Variants in PIK3AP1 observed in about 807,000 individuals in gnomAD.
The protein encoded by PIK3AP1 is phosphoinositide 3-kinase adapter protein 1.
A neutral mutation model predicts 88.1 loss-of-function variants in PIK3AP1; 21 were observed. That is an observed-to-expected ratio of 0.24 (90% confidence interval 0.17 to 0.34). The LOEUF (loss-of-function observed/expected upper bound fraction) is 0.34, where lower values mean the gene tolerates loss of function less well. Ranked by LOEUF, PIK3AP1 falls within the 10% of genes least tolerant of loss-of-function variation. PIK3AP1 has a pLI of 1.00. For missense variants in PIK3AP1, 828 were observed against 1,035.7 expected, an observed-to-expected ratio of 0.80 and a Z score of 2.75; for synonymous variants, 398 against 400.0, an observed-to-expected ratio of 1.00 and a Z score of 0.06.
At chr10:96,655,652 G>A (rs538350565) in intron 3 of PIK3AP1, among the ~76,000 whole-genome samples, 8 of 152,162 alleles carry the variant, frequency 5.3e-5, no homozygotes, top group African/African-American at 1.4e-4. Flanking sequence ...GAATTATGGG[G>A]GGGCGGGTCT....
chr10:96,657,172 G>GTCTGA lies in PIK3AP1; in HGVS notation c.431-239_431-238insTCAGA, dbSNP rs562003645. Among the ~76,000 whole-genome samples, 17 of 152,290 alleles carry GTCTGA rather than the reference G, an allele frequency of 1.1e-4. No homozygotes were observed. The South Asian group carries it at 3.5e-3, about 32-fold the overall frequency. Reference sequence around the variant, plus strand: ...GAGGGATGACAATCATGGAGGGGAAGGCCAGAAAGTCTGAGGCTGCAGGTT... The same window carrying GTCTGA: ...GAGGGATGACAATCATGGAGGGGAAGTCTGAGCCAGAAAGTCTGAGGCTGCAGGTT... On this transcript the variant is annotated intron_variant, in intron 2 of 16. Coordinates refer to ENST00000339364, the MANE Select transcript of PIK3AP1 (RefSeq NM_152309.3).
intron 16 of PIK3AP1, 108 bp downstream of exon 16, chr10:96,602,172 T>G: frequency 1.0e-6 from 1 of 963,082 alleles, no homozygotes; most frequent in Admixed American, 2.5e-5. Flanking sequence ...CATGAGCCAC[T>G]GCGCCCAGCT....
chr10:96,597,360 CTCT>C (rs1848787330), intron 16 of PIK3AP1, among the ~76,000 whole-genome samples: 2 of 4,938 alleles, frequency 4.1e-4, no homozygotes, highest in African/African-American at 5.5e-4. Flanking sequence ...CCCTCCCTCT[CTCT>C]CTCTCTCTCT....
Position 96,616,690 on chromosome 10 carries a change from C to G in PIK3AP1, c.1963G>C (p.Asp655His). The change falls in exon 13 of 17, where the codon GAC becomes CAC. Residue 655 changes from aspartate (D) to histidine (H), a missense_variant. Physicochemically the swap from Asp to His is moderately conservative, Grantham distance 81. Transcript: ENST00000339364. ...TCTCTCTGTCTTCGGGTGATGCTGTCTCTTAGCCGTTTAAGATTTTCCTGG... is the reference window on the plus strand; with the variant it reads ...TCTCTCTGTCTTCGGGTGATGCTGTGTCTTAGCCGTTTAAGATTTTCCTGG... ...FQQENLKRLR[D>H]SITRRQREKQ... The G allele has an allele frequency of 6.2e-7, 1 of 1,614,172 alleles. No individual in the cohort carries two copies. The highest frequency in any genetic ancestry group is 8.5e-7 in the Non-Finnish European group (1 of 1,180,028).
chr10:96,603,707 CACACCACATAT>C, intron 15 of PIK3AP1: 1 of 201,914 alleles, frequency 5.0e-6, no homozygotes, highest in Non-Finnish European at 9.3e-6. Context: ...CACACACACA[CACACCACATAT>C]ATATATATGT....
chr10:96,621,536 G>A (rs2134202495), intron 11 of PIK3AP1: 1 of 152,414 alleles, frequency 6.6e-6, no homozygotes, highest in Admixed American at 6.5e-5. Flanking sequence ...TTAACTTAGT[G>A]ATAGGCGTCG....
chr10:96,623,678 A>G, intron 10 of PIK3AP1, 141 bp from the exon 11 acceptor site: 1 of 697,132 alleles, frequency 1.4e-6, no homozygotes, highest in Non-Finnish European at 2.4e-6. Flanking sequence ...AATGAGAAGG[A>G]CTAGGAATTG....
chr10:96,636,993 A>G (rs72818995), intron 8 of PIK3AP1, among the ~76,000 whole-genome samples: 4,442 of 152,336 alleles, frequency 0.029, 126 homozygotes, highest in Non-Finnish European at 0.037. Flanking sequence ...TGTTAATTTA[A>G]TAGAAAACCA....
intron 12 of PIK3AP1, 28 bp downstream of exon 12, chr10:96,620,324 G>A: frequency 1.9e-6 from 3 of 1,609,444 alleles, no homozygotes; most frequent in Non-Finnish European, 8.5e-7. Flanking sequence ...AAATAGACAT[G>A]AAACAAATTC....
chr10:96,702,794 TATTA>T (rs1469494469), intron 2 of PIK3AP1, among the ~76,000 whole-genome samples: 5 of 152,184 alleles, frequency 3.3e-5, no homozygotes, highest in South Asian at 2.1e-4. Context: ...AACTAGAAAA[TATTA>T]ATTAATTAAT....
chr10:96,595,851 A>T (rs1318731653), intron 16 of PIK3AP1, among the ~76,000 whole-genome samples: 1 of 152,150 alleles, frequency 6.6e-6, no homozygotes, highest in African/African-American at 2.4e-5. Flanking sequence ...AAAAATACCA[A>T]TTCCAAGGAT....
chr10:96,703,776 G>A (rs1844328678), intron 2 of PIK3AP1, among the ~76,000 whole-genome samples: 2 of 152,144 alleles, frequency 1.3e-5, no homozygotes, highest in Admixed American at 1.3e-4. Flanking sequence ...AGTTAAAAAG[G>A]TTCTCGGGAA....
At chr10:96,669,943 G>A (rs745335295) in intron 2 of PIK3AP1, among the ~76,000 whole-genome samples, 12 of 152,106 alleles carry the variant, frequency 7.9e-5, no homozygotes, top group Admixed American at 5.2e-4. Context: ...TTGGGAGGCC[G>A]AGGTGGGCGG....
rs1328869170 is a variant in PIK3AP1 at position 96,720,196 on chromosome 10, G to A, written c.13+186C>T. Among the ~76,000 whole-genome samples, 1 of 152,186 alleles carries A rather than the reference G, an allele frequency of 6.6e-6. No homozygotes were observed. Among genetic ancestry groups the A allele is most frequent in the Admixed American group, 6.5e-5 (1 of 15,278 alleles). On this transcript the variant is annotated intron_variant, in intron 1 of 16. Coordinates refer to ENST00000339364, the MANE Select transcript of PIK3AP1 (RefSeq NM_152309.3). This position sits in a 1 kb window ranked among gnomAD's most constrained non-coding sequence, Gnocchi z 4.6. ...GCTGAAGAGAATCGCGCCACAGGCT[G>A]GGACGGGAAACGTGGGAAAGTTGGA...
chr10:96,681,642 T>C (rs1249619082), intron 2 of PIK3AP1, among the ~76,000 whole-genome samples: 2 of 152,138 alleles, frequency 1.3e-5, no homozygotes, highest in Non-Finnish European at 2.9e-5. Flanking sequence ...TAGGTGACTC[T>C]GGACATGAAG....
Position 96,603,969 on chromosome 10 carries a change from C to A in PIK3AP1, c.2241+10G>T. On this transcript the variant is annotated intron_variant, in intron 15 of 16. Transcript: ENST00000339364. The stretch of plus-strand genomic sequence containing the variant: ...GGACAGGATAGGTGGGGTGGAGTCC[C>A]AGCTCTCACCTCGTTGTCCCCTTCC... 5 of 1,593,330 alleles carry A rather than the reference C, an allele frequency of 3.1e-6. No individual in the cohort carries two copies. Among genetic ancestry groups the A allele is most frequent in the East Asian group, 2.3e-5 (1 of 44,300 alleles).
At chr10:96,656,756 C>T in intron 3 of PIK3AP1, 42 bp downstream of exon 3, 1 of 1,608,348 alleles carries the variant, frequency 6.2e-7, no homozygotes, top group South Asian at 1.1e-5. Context: ...TTGAAAAGCC[C>T]AAGTGCTGAC....
chr10:96,597,351 C>T (rs1210062557), intron 16 of PIK3AP1, among the ~76,000 whole-genome samples: 1 of 19,470 alleles, frequency 5.1e-5, no homozygotes, highest in Admixed American at 8.2e-4. Context: ...TCCCTCCCTC[C>T]CTCCCTCTCT....
At chr10:96,650,821 GAA>G (rs1031116193) in intron 6 of PIK3AP1, among the ~76,000 whole-genome samples, 25 of 152,294 alleles carry the variant, frequency 1.6e-4, no homozygotes, top group Admixed American at 1.5e-3. Flanking sequence ...TCAAAGCATA[GAA>G]AAGACAAGAG....
Sources: gnomAD v4.1 joint callset for allele counts (sites outside exome capture counted in the v4.1 genomes callset) on GRCh38, gnomAD v4.1.1 for gene constraint, Gnocchi (gnomAD v3.1) non-coding constraint, MANE v1.5 for transcripts, NCBI Gene and HGNC (gene_info 2026-07-23, HGNC 2026-07-21) for gene names.